The following CACNA2D3 variants were observed in gnomAD, a reference collection of about 807,000 sequenced individuals.
The protein encoded by CACNA2D3 is calcium voltage-gated channel auxiliary subunit alpha2delta 3.
A neutral mutation model predicts 160.6 loss-of-function variants in CACNA2D3; 60 were observed. The ratio of observed to expected loss-of-function variants is 0.37; its 90% CI spans 0.30 to 0.46. CACNA2D3 has a LOEUF of 0.46. Ranked by LOEUF, CACNA2D3 falls within the 20% of genes least tolerant of loss-of-function variation. CACNA2D3 has a pLI of 1.00. For missense variants in CACNA2D3, 1,205 were observed against 1,365.0 expected, an observed-to-expected ratio of 0.88 and a Z score of 1.85; for synonymous variants, 558 against 492.9, an observed-to-expected ratio of 1.13 and a Z score of -1.75.
chr3:54,708,723 C>T (rs909085503), intron 11 of CACNA2D3, among the ~76,000 whole-genome samples: 3 of 152,198 alleles, frequency 2.0e-5, no homozygotes, highest in African/African-American at 7.2e-5. Context: ...TCCTAGGCGG[C>T]TCCAGAATTT....
In CACNA2D3 at chr3:54,868,933, A is replaced by G. The variant is rs545410165; in HGVS notation, c.1627-2606A>G. Among the ~76,000 whole-genome samples the G allele has an allele frequency of 2.6e-5, 4 of 152,316 alleles. No homozygotes were observed. The South Asian group carries it at 8.3e-4, about 32-fold the overall frequency. ...GAATGTGTTTGCCATTTTACATACA[A>G]TATTTCATTTAATACTCTCAACCTT... On this transcript the variant is annotated intron_variant, in intron 17 of 37. Transcript: ENST00000474759.
At chr3:54,127,907 CA>C (rs1296829991) in intron 2 of CACNA2D3, among the ~76,000 whole-genome samples, 1 of 143,434 alleles carries the variant, frequency 7.0e-6, no homozygotes, top group East Asian at 2.3e-4. Context: ...CTTTTTTGCT[CA>C]TTTTTTTTTT....
chr3:54,318,849 A>G lies in CACNA2D3; in HGVS notation c.205-1593A>G, dbSNP rs193186768. On this transcript the variant is annotated intron_variant, in intron 2 of 37. Coordinates refer to ENST00000474759, the MANE Select transcript of CACNA2D3 (RefSeq NM_018398.3). ...AGTGGGACTGCAGACATGTGCCACC[A>G]TATCTGATTAATTAAAAACAAACAA... Among the ~76,000 whole-genome samples the G allele has an allele frequency of 1.7e-3, 265 of 152,076 alleles. 1 individual carries two copies. The highest frequency in any genetic ancestry group is 6.0e-3 in the African/African-American group (249 of 41,478).
chr3:54,470,829 A>C (rs1053246670), intron 4 of CACNA2D3, among the ~76,000 whole-genome samples: 1 of 152,222 alleles, frequency 6.6e-6, no homozygotes, highest in Admixed American at 6.5e-5. Flanking sequence ...GGCATTACAT[A>C]ATGGTAAAGG....
At chr3:54,276,640 A>G (rs1411014440) in intron 2 of CACNA2D3, among the ~76,000 whole-genome samples, 2 of 152,154 alleles carry the variant, frequency 1.3e-5, no homozygotes, top group Middle Eastern at 3.4e-3. Context: ...CTGATTGTAC[A>G]AGAGAAGTTT....
At chr3:54,823,115 A>G (rs1295230028) in intron 14 of CACNA2D3, among the ~76,000 whole-genome samples, 1 of 151,896 alleles carries the variant, frequency 6.6e-6, no homozygotes, top group Non-Finnish European at 1.5e-5. Flanking sequence ...CCAGCCTCCC[A>G]AAGTGCTGGG....
At chr3:54,860,606 T>G (rs1236601941) in intron 17 of CACNA2D3, among the ~76,000 whole-genome samples, 1 of 152,226 alleles carries the variant, frequency 6.6e-6, no homozygotes, top group Admixed American at 6.5e-5. Context: ...TCAGCTCTGC[T>G]CAGTATGGAA....
intron 4 of CACNA2D3, among the ~76,000 whole-genome samples, chr3:54,433,597 G>A (rs990539746): frequency 2.0e-5 from 3 of 152,158 alleles, no homozygotes; most frequent in African/African-American, 7.2e-5. Flanking sequence ...AAAACATTTA[G>A]ATATCACATA....
At chr3:54,632,939 T>C (rs1261502804) in intron 10 of CACNA2D3, 1 of 152,242 alleles carries the variant, frequency 6.6e-6, no homozygotes, top group Admixed American at 6.5e-5. Context: ...TAGCGGAGTT[T>C]CCAGGTGTTT....
chr3:54,495,021 G>T (rs1426255089), intron 4 of CACNA2D3, among the ~76,000 whole-genome samples: 1 of 152,156 alleles, frequency 6.6e-6, no homozygotes, highest in Non-Finnish European at 1.5e-5. Context: ...ATTGGGTGGG[G>T]ACATAGAGCC....
At chr3:54,740,217 C>T (rs1701622126) in intron 11 of CACNA2D3, among the ~76,000 whole-genome samples, 1 of 152,132 alleles carries the variant, frequency 6.6e-6, no homozygotes, top group Non-Finnish European at 1.5e-5. Flanking sequence ...GGAACCAGGA[C>T]AGCCGTACAA....
At chr3:55,066,607 T>C (rs577295269) in intron 35 of CACNA2D3, among the ~76,000 whole-genome samples, 22 of 152,226 alleles carry the variant, frequency 1.4e-4, no homozygotes, top group Admixed American at 1.1e-3. Context: ...AAATACTCTG[T>C]CTTGTCACGG....
intron 2 of CACNA2D3, among the ~76,000 whole-genome samples, chr3:54,227,986 T>C (rs1193551538): frequency 6.6e-6 from 1 of 152,168 alleles, no homozygotes; most frequent in East Asian, 1.9e-4. Flanking sequence ...CTTGGTTGAG[T>C]ACTTTGTTCT....
At position 54,981,518 on chromosome 3, in the gene CACNA2D3, G is replaced by A. The variant is rs567482565; in HGVS notation, c.2557-3090G>A. ...AGCGAGGGGGAGAGAAAGAAAGAGAGGAAAAAGGAGAGAGAGAGAGAAAGG... is the reference window on the plus strand; with the variant it reads ...AGCGAGGGGGAGAGAAAGAAAGAGAAGAAAAAGGAGAGAGAGAGAGAAAGG... On this transcript the variant is annotated intron_variant, in intron 29 of 37. Coordinates refer to ENST00000474759, the MANE Select transcript of CACNA2D3 (RefSeq NM_018398.3). Among the ~76,000 whole-genome samples the A allele has an allele frequency of 2.6e-5, 4 of 152,128 alleles. No homozygotes were observed. The South Asian group carries it at 8.3e-4, about 32-fold the overall frequency.
intron 27 of CACNA2D3, among the ~76,000 whole-genome samples, chr3:54,933,375 A>T (rs559542625): frequency 6.6e-6 from 1 of 152,176 alleles, no homozygotes; most frequent in Non-Finnish European, 1.5e-5. Context: ...CCTGGGCTCC[A>T]TGGTGTCATT....
At chr3:54,207,665 C>T (rs1248611180) in intron 2 of CACNA2D3, among the ~76,000 whole-genome samples, 3 of 152,104 alleles carry the variant, frequency 2.0e-5, no homozygotes, top group Admixed American at 6.5e-5. Flanking sequence ...GGGAATGTCA[C>T]GGACTGGGCT....
chr3:54,197,812 A>C (rs531068990), intron 2 of CACNA2D3, among the ~76,000 whole-genome samples: 48 of 152,130 alleles, frequency 3.2e-4, no homozygotes, highest in African/African-American at 1.0e-3. Context: ...TCTTCTCTCC[A>C]TTTTTTGGTT....
intron 13 of CACNA2D3, among the ~76,000 whole-genome samples, chr3:54,790,781 T>C (rs1055964701): frequency 3.9e-5 from 6 of 152,168 alleles, no homozygotes; most frequent in African/African-American, 1.4e-4. Flanking sequence ...GAGCTGGTGC[T>C]GTCACTGTGT....
chr3:54,837,300 G>A, intron 15 of CACNA2D3, 70 bp downstream of exon 15: 1 of 1,226,080 alleles, frequency 8.2e-7, no homozygotes, highest in Non-Finnish European at 1.2e-6. Context: ...TCTGACTCCA[G>A]CTCTGGTGAC....
Sources: gnomAD v4.1 joint callset for allele counts (sites outside exome capture counted in the v4.1 genomes callset) on GRCh38, gnomAD v4.1.1 for gene constraint, MANE v1.5 for transcripts, NCBI Gene and HGNC (gene_info 2026-07-23, HGNC 2026-07-21) for gene names.